SLC25A46: variants seen among roughly 807,000 people sequenced by gnomAD.
SLC25A46 encodes the protein solute carrier family 25 member 46.
SLC25A46 carries 39 observed loss-of-function variants against 44.6 expected under a neutral mutation model. That is an observed-to-expected ratio of 0.87 (90% confidence interval 0.68 to 1.14). The LOEUF is 1.14. SLC25A46 is among the 50% of genes most tolerant of loss of function. The pLI is 0.00. For missense variants in SLC25A46, 547 were observed against 522.7 expected (o/e 1.05, Z -0.45); for synonymous variants, 202 against 185.8 (o/e 1.09, Z -0.71).
intron 1 of SLC25A46, among the ~76,000 whole-genome samples, chr5:110,740,930 C>T (rs973969075): frequency 2.0e-5 from 3 of 152,104 alleles, no homozygotes; most frequent in Non-Finnish European, 4.4e-5. Flanking sequence ...CCAGCCTGGG[C>T]GACAGAGCGA....
intron 5 of SLC25A46, chr5:110,753,775 G>A (rs79113924): frequency 6.6e-6 from 1 of 152,016 alleles, no homozygotes; most frequent in African/African-American, 2.4e-5. Flanking sequence ...TCAAAGGGGA[G>A]GTAACTCAGA....
intron 1 of SLC25A46, among the ~76,000 whole-genome samples, chr5:110,740,039 C>G (rs1275719996): frequency 6.6e-6 from 1 of 152,122 alleles, no homozygotes; most frequent in African/African-American, 2.4e-5. Context: ...TTTCTGCTTT[C>G]CTTCTGCTGA....
intron 5 of SLC25A46, among the ~76,000 whole-genome samples, chr5:110,752,455 A>G (rs1360671695): frequency 1.3e-5 from 2 of 152,088 alleles, no homozygotes; most frequent in East Asian, 3.9e-4. Flanking sequence ...CCTGTAACCA[A>G]GGCTACCTGT....
chr5:110,738,315 A>G, upstream of SLC25A46: 1 of 1,192,498 alleles, frequency 8.4e-7, no homozygotes. Flanking sequence ...TGAACGATAT[A>G]ACTGGGATTT....
chr5:110,749,579 A>G (rs564482119), intron 5 of SLC25A46, among the ~76,000 whole-genome samples: 1 of 152,214 alleles, frequency 6.6e-6, no homozygotes, highest in South Asian at 2.1e-4. Flanking sequence ...TGGAAATAGC[A>G]TAAGATGTAG....
upstream of SLC25A46, chr5:110,738,833 GTGTT>G (rs1294869321): frequency 1.2e-5 from 7 of 601,966 alleles, no homozygotes. Context: ...CTTTGGTACT[GTGTT>G]TCATTAATCC....
At chr5:110,749,683 GTC>G (rs1799912295) in intron 5 of SLC25A46, among the ~76,000 whole-genome samples, 1 of 152,000 alleles carries the variant, frequency 6.6e-6, no homozygotes, top group African/African-American at 2.4e-5. Context: ...TTGCTTTTGG[GTC>G]TCTCTTTTCT....
At chr5:110,748,551 A>C (rs1172228305) in intron 5 of SLC25A46, among the ~76,000 whole-genome samples, 1 of 152,142 alleles carries the variant, frequency 6.6e-6, no homozygotes, top group Non-Finnish European at 1.5e-5. Context: ...ACAAAGAATA[A>C]AATTAATTAT....
intron 5 of SLC25A46, among the ~76,000 whole-genome samples, chr5:110,750,004 T>C (rs1799920856): frequency 1.3e-5 from 2 of 152,142 alleles, no homozygotes; most frequent in Non-Finnish European, 2.9e-5. Context: ...GTGAATTTTT[T>C]GCATTGTTAA....
intron 3 of SLC25A46, chr5:110,746,005 C>T (rs913757918): frequency 8.1e-6 from 2 of 248,012 alleles, no homozygotes; most frequent in Non-Finnish European, 1.5e-5. Context: ...AACCAAATAT[C>T]AAATAAGACC....
At chr5:110,760,316 T>A (rs1389651868) in intron 7 of SLC25A46, among the ~76,000 whole-genome samples, 2 of 152,136 alleles carry the variant, frequency 1.3e-5, no homozygotes, top group African/African-American at 4.8e-5. Context: ...CACCATCATC[T>A]CTTTGTTACT....
intron 5 of SLC25A46, 70 bp downstream of exon 5, chr5:110,748,333 G>T (rs987549931): frequency 1.6e-5 from 20 of 1,220,538 alleles, no homozygotes; most frequent in Non-Finnish European, 2.2e-5. Flanking sequence ...GGCGGTACAT[G>T]TGCAGGCTTG....
chr5:110,761,406 C>G lies in SLC25A46; in HGVS notation c.881C>G (p.Thr294Ser). The change falls in exon 8 of 8, where the codon ACT becomes AGT. Residue 294 changes from threonine to serine, a missense_variant. Transcript: ENST00000355943. The surrounding 1 kb of genome is among the most constrained non-coding windows in gnomAD (Gnocchi z 5.3). ...GTCCTACTAATTCTAAAGAGAAAGA[C>G]TTACAATAGCCACCTAGCTGAGAGC... ...KFVLLILKRK[T>S]YNSHLAESTS... 6.2e-7 allele frequency: 1 copy of G among 1,613,692 alleles called. No homozygotes were observed. Among genetic ancestry groups the G allele is most frequent in the African/African-American group, 1.3e-5 (1 of 75,014 alleles).
At position 110,742,030 on chromosome 5, in the gene SLC25A46, A is replaced by G; in HGVS notation, c.284-17A>G. ...TCAGTAATCTTATTTTTTTATTTCT[A>G]TTTTTTTTTACTTTAGAACAGCTGA... On this transcript the variant is annotated splice_polypyrimidine_tract_variant and intron_variant, in intron 1 of 7. Transcript: ENST00000355943. 1 of 1,486,668 alleles carries G rather than the reference A, an allele frequency of 6.7e-7. No individual in the cohort carries two copies. Among genetic ancestry groups the G allele is most frequent in the Non-Finnish European group, 9.2e-7 (1 of 1,091,492 alleles). 92.1% of individuals were successfully genotyped at this position (1,486,668 alleles called of 1,614,324 possible).
At chr5:110,740,752 C>G (rs1372129689) in intron 1 of SLC25A46, among the ~76,000 whole-genome samples, 1 of 151,934 alleles carries the variant, frequency 6.6e-6, no homozygotes, top group African/African-American at 2.4e-5. Context: ...GAGATCGAGA[C>G]CATCCTGGCT....
chr5:110,753,216 A>G (rs1383056274), intron 5 of SLC25A46: 1 of 152,058 alleles, frequency 6.6e-6, no homozygotes, highest in Non-Finnish European at 1.5e-5. Flanking sequence ...AGACGTGGAA[A>G]CAGAAAGTTT....
In SLC25A46 at chr5:110,748,282, C is replaced by T. The variant is rs114954533; in HGVS notation, c.563+19C>T. 551 of 1,593,908 alleles carry T rather than the reference C, an allele frequency of 3.5e-4. 3 individuals are homozygous for T. The African/African-American group carries it at 6.5e-3, about 19-fold the overall frequency. On this transcript the variant is annotated intron_variant, in intron 5 of 7. Transcript: ENST00000355943. ...TGCCAAGGTACCATTTTTAGCATTT[C>T]TTCAGTATTAGTTTCATGTGGTGAT...
intron 5 of SLC25A46, chr5:110,753,210 G>A (rs1329763327): frequency 6.6e-6 from 1 of 152,010 alleles, no homozygotes; most frequent in Non-Finnish European, 1.5e-5. Flanking sequence ...AAGTACAGAC[G>A]TGGAAACAGA....
intron 5 of SLC25A46, among the ~76,000 whole-genome samples, chr5:110,750,067 T>C (rs1561603965): frequency 6.6e-6 from 1 of 152,048 alleles, no homozygotes; most frequent in East Asian, 1.9e-4. Flanking sequence ...ATGCCCAATG[T>C]TGGGATTTAG....
Sources: allele counts gnomAD v4.1 joint callset (sites outside exome capture counted in the v4.1 genomes callset), GRCh38; gene constraint gnomAD v4.1.1; non-coding constraint Gnocchi (gnomAD v3.1); transcripts MANE v1.5; gene names NCBI Gene and HGNC (gene_info 2026-07-23, HGNC 2026-07-21).